IP6K3: variants seen among roughly 807,000 people sequenced by gnomAD.
IP6K3 encodes ATP:1D-myo-inositol-hexakisphosphate phosphotransferase.
In IP6K3, 20 loss-of-function variants were observed where a neutral mutation model predicts 28.8. The ratio of observed to expected loss-of-function variants is 0.70; its 90% CI spans 0.49 to 1.01. The LOEUF (loss-of-function observed/expected upper bound fraction) is 1.01. Ranked by LOEUF, IP6K3 falls within the 50% of genes least tolerant of loss-of-function variation. The pLI is 0.00. For synonymous variants in IP6K3, 213 were observed against 221.3 expected (o/e 0.96, Z 0.33); for missense variants, 480 against 537.1 (o/e 0.89, Z 1.05).
At chr6:33,751,520 T>TGTGTGTGTGTGTGTGTGTG (rs1561914794), upstream of IP6K3, among the ~76,000 whole-genome samples, 2 of 98,436 alleles carry the variant, frequency 2.0e-5, no homozygotes, top group South Asian at 2.7e-4. This position sits in a 1 kb window ranked among gnomAD's most constrained non-coding sequence, Gnocchi z 4.3. Context: ...GTGTGTGTGT[T>TGTGTGTGTGTGTGTGTGTG]TGGCCCCGGG....
chr6:33,736,530 G>A (rs538375428), intron 1 of IP6K3, among the ~76,000 whole-genome samples: 2 of 152,244 alleles, frequency 1.3e-5, no homozygotes, highest in Non-Finnish European at 2.9e-5. Context: ...TCAGGCTCCC[G>A]AGCAGCTGGG....
At chr6:33,757,121 C>CT in the IP6K3 span, among the ~76,000 whole-genome samples, 1 of 152,262 alleles carries the variant, frequency 6.6e-6, no homozygotes, top group African/African-American at 2.4e-5. Flanking sequence ...CAGCCTTCCT[C>CT]ATGCCCCAAC....
At position 33,744,096 on chromosome 6, in the gene IP6K3, G is replaced by A. The variant is rs1561911536; in HGVS notation, c.-180+2662C>T. On this transcript the variant is annotated intron_variant, in intron 1 of 5. Coordinates refer to ENST00000293756, the MANE Select transcript of IP6K3 (RefSeq NM_054111.5). The surrounding 1 kb of genome is among the most constrained non-coding windows in gnomAD (Gnocchi z 4.4). ...CTGCTCTGGGGGAGGCAGAGGCTGC[G>A]AGGGCTTCTCCCTCTTGGCCCCCTA... 6.6e-6 allele frequency among the ~76,000 whole-genome samples: 1 copy of A among 152,152 alleles called. No homozygotes were observed. The highest frequency in any genetic ancestry group is 2.1e-4 in the South Asian group (1 of 4,822).
upstream of IP6K3, among the ~76,000 whole-genome samples, chr6:33,751,645 G>C (rs1767024484): frequency 6.6e-6 from 1 of 152,026 alleles, no homozygotes; most frequent in Admixed American, 6.5e-5. The surrounding 1 kb of genome is among the most constrained non-coding windows in gnomAD (Gnocchi z 4.3). Context: ...TATCTCGTTT[G>C]GTCCTCACAA....
upstream of IP6K3, among the ~76,000 whole-genome samples, chr6:33,749,886 C>T (rs1440013095): frequency 1.3e-5 from 2 of 152,090 alleles, no homozygotes; most frequent in Admixed American, 6.5e-5. Context: ...TCCTGACCAG[C>T]GTGGCACTCA....
chr6:33,726,897 C>T lies in IP6K3; in HGVS notation c.423G>A (p.Lys141=), dbSNP rs959277013. The change falls in exon 4 of 6, where the codon AAG becomes AAA. Residue 141 remains lysine (K), a synonymous_variant. Transcript: ENST00000293756. ...GGTGGGGCTCGGACCTCAGAAGAGC[C>T]TTGGCCGGGCTGCGGCGGAGTGGAG... ...LARSPKESPA[K]ALLRSEPHLN... 1.2e-5 allele frequency: 20 copies of T among 1,600,858 alleles called. No individual in the cohort carries two copies. Among genetic ancestry groups the T allele is most frequent in the Non-Finnish European group, 1.6e-5 (19 of 1,169,740 alleles).
the IP6K3 span, among the ~76,000 whole-genome samples, chr6:33,758,123 C>A: frequency 6.6e-6 from 1 of 152,240 alleles, no homozygotes; most frequent in South Asian, 2.1e-4. Flanking sequence ...GCCAAAGGAA[C>A]AACAGACTGA....
At chr6:33,735,035 C>T (rs776334664) in intron 2 of IP6K3, among the ~76,000 whole-genome samples, 5 of 152,344 alleles carry the variant, frequency 3.3e-5, no homozygotes, top group South Asian at 4.1e-4. Flanking sequence ...TTCTCTCCAT[C>T]CCTCAAAGCC....
At chr6:33,758,804 G>A in the IP6K3 span, among the ~76,000 whole-genome samples, 1 of 152,116 alleles carries the variant, frequency 6.6e-6, no homozygotes, top group Non-Finnish European at 1.5e-5. Flanking sequence ...TCACCATGTT[G>A]GCCAGGCTGG....
intron 2 of IP6K3, among the ~76,000 whole-genome samples, chr6:33,733,745 C>G (rs914918014): frequency 6.6e-6 from 1 of 152,244 alleles, no homozygotes; most frequent in Non-Finnish European, 1.5e-5. Flanking sequence ...GGACCATCTT[C>G]CCCTGTCTCT....
chr6:33,751,641 G>T (rs1377944942), upstream of IP6K3, among the ~76,000 whole-genome samples: 3 of 152,080 alleles, frequency 2.0e-5, no homozygotes, highest in Non-Finnish European at 2.9e-5. The surrounding 1 kb of genome is among the most constrained non-coding windows in gnomAD (Gnocchi z 4.3). Context: ...ACTTTATCTC[G>T]TTTGGTCCTC....
chr6:33,725,037 C>T (rs1031105539), intron 5 of IP6K3, among the ~76,000 whole-genome samples: 1 of 151,950 alleles, frequency 6.6e-6, no homozygotes, highest in Non-Finnish European at 1.5e-5. Context: ...GTCAGGAGAT[C>T]GAGACCACGG....
At chr6:33,752,175 C>T in the IP6K3 span, among the ~76,000 whole-genome samples, 4 of 152,296 alleles carry the variant, frequency 2.6e-5, no homozygotes, top group African/African-American at 7.2e-5. Flanking sequence ...GCCAATTACA[C>T]GCCGTTGATA....
chr6:33,754,234 T>C, the IP6K3 span, among the ~76,000 whole-genome samples: 1 of 152,116 alleles, frequency 6.6e-6, no homozygotes, highest in Admixed American at 6.5e-5. Flanking sequence ...GTGCAGAGTC[T>C]CCTGCTGGGG....
intron 5 of IP6K3, among the ~76,000 whole-genome samples, chr6:33,724,536 G>A (rs1474236870): frequency 2.0e-5 from 3 of 152,204 alleles, no homozygotes; most frequent in Non-Finnish European, 4.4e-5. Flanking sequence ...CCAAAAAGGA[G>A]GCGTGGAGTC....
Position 33,739,885 on chromosome 6 carries a change from T to C in IP6K3, c.-179-4230A>G, listed in dbSNP as rs528890057. Among the ~76,000 whole-genome samples the C allele has an allele frequency of 4.9e-4, 75 of 152,350 alleles. 1 individual carries two copies. The highest frequency in any genetic ancestry group is 4.4e-3 in the Admixed American group (67 of 15,306). On this transcript the variant is annotated intron_variant, in intron 1 of 5. Transcript: ENST00000293756. ...CTGGGGAAGTGCTCTGAGGCTTGGC[T>C]TGTCACCCTCTGCCACAGCCTTGTC...
At chr6:33,738,860 T>TGTC (rs1204856591) in intron 1 of IP6K3, among the ~76,000 whole-genome samples, 1 of 152,332 alleles carries the variant, frequency 6.6e-6, no homozygotes, top group East Asian at 1.9e-4. Context: ...CCCCCTGGCC[T>TGTC]GTCCCCTATC....
chr6:33,759,920 G>T, the IP6K3 span, among the ~76,000 whole-genome samples: 1 of 151,982 alleles, frequency 6.6e-6, no homozygotes, highest in Non-Finnish European at 1.5e-5. Flanking sequence ...CCTAGTATAT[G>T]GGTCCATGCA....
Position 33,741,322 on chromosome 6 carries a change from C to A in IP6K3, c.-180+5436G>T, listed in dbSNP as rs188432060. 6.6e-5 allele frequency among the ~76,000 whole-genome samples: 10 copies of A among 152,314 alleles called. No homozygotes were observed. In the East Asian group the frequency reaches 1.9e-3, roughly 29 times the overall value. On this transcript the variant is annotated intron_variant, in intron 1 of 5. Transcript: ENST00000293756. ...TGATGCACTAACTCACAGCCAGGCA[C>A]CCAGTATGGAGCTCTTAAGTTGAAA... is the stretch of plus-strand genomic sequence containing the variant.
Sources: allele counts gnomAD v4.1 joint callset (sites outside exome capture counted in the v4.1 genomes callset), GRCh38; gene constraint gnomAD v4.1.1; non-coding constraint Gnocchi (gnomAD v3.1); transcripts MANE v1.5; gene names NCBI Gene and HGNC (gene_info 2026-07-23, HGNC 2026-07-21).